NME7: variants seen among roughly 807,000 people sequenced by gnomAD.
NME7 encodes nucleoside diphosphate kinase 7.
NME7 carries 41 observed loss-of-function variants against 49.1 expected under a neutral mutation model. The observed-to-expected ratio is 0.83, with a 90% CI of 0.65 to 1.08. NME7 has a LOEUF of 1.08. Among genes scored for constraint, NME7 ranks in the 50% least tolerant of loss-of-function variants. The pLI, the probability that NME7 is intolerant of heterozygous loss-of-function variation, is 0.00. For missense variants in NME7, 423 were observed against 463.4 expected (o/e 0.91, Z 0.80); for synonymous variants, 139 against 150.6 (o/e 0.92, Z 0.56).
intron 1 of NME7, among the ~76,000 whole-genome samples, chr1:169,350,034 TA>T (rs1253038840): frequency 6.6e-6 from 1 of 151,550 alleles, no homozygotes; most frequent in African/African-American, 2.4e-5. Context: ...CTACTAAAAC[TA>T]CAAAAACATA....
chr1:169,275,207 G>A lies in NME7; in HGVS notation c.754+12096C>T, dbSNP rs34691590. Among the ~76,000 whole-genome samples the A allele has an allele frequency of 5.6e-3, 744 of 131,712 alleles. 195 individuals carry two copies. The highest frequency in any genetic ancestry group is 0.031 in the Middle Eastern group (8 of 258). 86.4% of individuals were successfully genotyped at this position (131,712 alleles called of 152,430 possible). On this transcript the variant is annotated intron_variant, in intron 7 of 11. Coordinates refer to ENST00000367811, the MANE Select transcript of NME7 (RefSeq NM_013330.5). ...CGTCCCTTATAAGTCGGATTCCTAC[G>A]TATTTTATTCTCTTTGAAGCAATTG... is the stretch of plus-strand genomic sequence containing the variant.
At chr1:169,144,087 T>C (rs1280588316) in intron 11 of NME7, among the ~76,000 whole-genome samples, 1 of 152,154 alleles carries the variant, frequency 6.6e-6, no homozygotes, top group Non-Finnish European at 1.5e-5. Flanking sequence ...CATCTGCAAT[T>C]CTCTAATGTC....
chr1:169,210,396 T>C (rs78215147), intron 10 of NME7, among the ~76,000 whole-genome samples: 12,592 of 152,220 alleles, frequency 0.083, 708 homozygotes, highest in Admixed American at 0.19. Flanking sequence ...CTAGAGAGCA[T>C]CCCAATGCTT....
chr1:169,340,878 A>G (rs1652669066), intron 1 of NME7, among the ~76,000 whole-genome samples: 1 of 152,066 alleles, frequency 6.6e-6, no homozygotes. Context: ...GTGACCTGGC[A>G]TTTTCTGAAA....
At chr1:169,212,933 G>A (rs1392773001) in intron 10 of NME7, among the ~76,000 whole-genome samples, 1 of 151,958 alleles carries the variant, frequency 6.6e-6, no homozygotes. Context: ...CTGGCTATAG[G>A]TGTCCTTTTT....
chr1:169,144,375 T>C (rs916165226), intron 11 of NME7, among the ~76,000 whole-genome samples: 1 of 152,148 alleles, frequency 6.6e-6, no homozygotes, highest in East Asian at 1.9e-4. Context: ...TTATACAACA[T>C]ACACACTATT....
chr1:169,141,090 T>C (rs555094383), intron 11 of NME7, among the ~76,000 whole-genome samples: 1 of 152,238 alleles, frequency 6.6e-6, no homozygotes, highest in East Asian at 1.9e-4. Context: ...AAACTGAAAT[T>C]AGAAATGCAG....
intron 11 of NME7, among the ~76,000 whole-genome samples, chr1:169,157,754 T>TTAAC (rs1659121492): frequency 6.6e-6 from 1 of 152,236 alleles, no homozygotes; most frequent in South Asian, 2.1e-4. Flanking sequence ...CAACTGTCAG[T>TTAAC]TAAGTCCTGA....
chr1:169,157,713 C>T (rs1382946958), intron 11 of NME7, among the ~76,000 whole-genome samples: 2 of 152,166 alleles, frequency 1.3e-5, no homozygotes, highest in Non-Finnish European at 2.9e-5. Context: ...GGCTATTGAT[C>T]CTTTCAAAGT....
intron 10 of NME7, among the ~76,000 whole-genome samples, chr1:169,205,685 C>T (rs1660655179): frequency 6.6e-6 from 1 of 152,156 alleles, no homozygotes; most frequent in African/African-American, 2.4e-5. Context: ...CCTGCTTCTG[C>T]TCCGGCCCCA....
At chr1:169,143,882 AT>A (rs956089268) in intron 11 of NME7, among the ~76,000 whole-genome samples, 4 of 151,652 alleles carry the variant, frequency 2.6e-5, no homozygotes, top group Admixed American at 1.3e-4. Flanking sequence ...ATTCTCAACA[AT>A]TTTTTTTTAT....
intron 7 of NME7, among the ~76,000 whole-genome samples, chr1:169,243,758 C>A (rs1199819851): frequency 2.0e-5 from 3 of 152,140 alleles, no homozygotes; most frequent in African/African-American, 4.8e-5. Flanking sequence ...GTGGGAAATA[C>A]ATGTTTGTTG....
chr1:169,141,745 A>G (rs1033744422), intron 11 of NME7, among the ~76,000 whole-genome samples: 4 of 152,152 alleles, frequency 2.6e-5, no homozygotes, highest in Non-Finnish European at 5.9e-5. Context: ...TTTTTAGAAG[A>G]TGGAATGCCT....
chr1:169,223,774 C>CATATAT (rs369704336), intron 10 of NME7, among the ~76,000 whole-genome samples: 6 of 150,918 alleles, frequency 4.0e-5, no homozygotes, highest in African/African-American at 1.5e-4. Flanking sequence ...GGAATACATG[C>CATATAT]ATATATATAT....
intron 1 of NME7, among the ~76,000 whole-genome samples, chr1:169,331,051 T>C (rs554605574): frequency 1.3e-5 from 2 of 152,296 alleles, no homozygotes; most frequent in African/African-American, 2.4e-5. Flanking sequence ...TAAATATTGA[T>C]GCAAAACTTG....
intron 1 of NME7, among the ~76,000 whole-genome samples, chr1:169,337,813 T>C (rs1652540001): frequency 6.6e-6 from 1 of 152,252 alleles, no homozygotes; most frequent in African/African-American, 2.4e-5. Flanking sequence ...ACTTGTTTTG[T>C]ACCTATCCTT....
At chr1:169,167,421 A>T (rs1300600982) in intron 11 of NME7, among the ~76,000 whole-genome samples, 1 of 152,128 alleles carries the variant, frequency 6.6e-6, no homozygotes, top group African/African-American at 2.4e-5. Flanking sequence ...TGTATTAAGG[A>T]TATCAACCAT....
chr1:169,312,943 T>G (rs1376608251), intron 3 of NME7, among the ~76,000 whole-genome samples: 1 of 152,166 alleles, frequency 6.6e-6, no homozygotes, highest in Non-Finnish European at 1.5e-5. Flanking sequence ...ATTCTAAACA[T>G]CAAGGCTAAA....
At chr1:169,228,710 C>T (rs199501530) in intron 10 of NME7, among the ~76,000 whole-genome samples, 1 of 140,602 alleles carries the variant, frequency 7.1e-6, no homozygotes, top group African/African-American at 2.7e-5. Context: ...AAAAAAAGTA[C>T]AAAAACCCCT....
Sources: allele counts gnomAD v4.1 joint callset (sites outside exome capture counted in the v4.1 genomes callset), GRCh38; gene constraint gnomAD v4.1.1; transcripts MANE v1.5; gene names NCBI Gene and HGNC (gene_info 2026-07-23, HGNC 2026-07-21).